ADGRV1: variants seen among roughly 807,000 people sequenced by gnomAD.
ADGRV1 encodes G-protein coupled receptor 98.
ADGRV1 carries 359 observed loss-of-function variants against 596.2 expected under a neutral mutation model. The ratio of observed to expected loss-of-function variants is 0.60; its 90% CI spans 0.55 to 0.66. The LOEUF is 0.66. ADGRV1 is among the 30% of genes least tolerant of loss of function. ADGRV1 has a pLI of 0.00. For synonymous variants in ADGRV1, 2,681 were observed against 2,679.2 expected, an observed-to-expected ratio of 1.00 and a Z score of -0.02; for missense variants, 7,274 against 7,575.6, an observed-to-expected ratio of 0.96 and a Z score of 1.48.
chr5:90,897,544 G>A (rs1242736624), intron 83 of ADGRV1, among the ~76,000 whole-genome samples: 1 of 139,090 alleles, frequency 7.2e-6, no homozygotes, highest in Non-Finnish European at 1.5e-5. Flanking sequence ...CAACAAATAC[G>A]AATATCATTG....
intron 20 of ADGRV1, chr5:90,655,895 A>G (rs1769334809): frequency 6.6e-6 from 1 of 152,230 alleles, no homozygotes; most frequent in African/African-American, 2.4e-5. Flanking sequence ...GATAGCCACT[A>G]TAAACATTAA....
chr5:91,072,908 T>C (rs1788514882), intron 86 of ADGRV1, among the ~76,000 whole-genome samples: 1 of 152,208 alleles, frequency 6.6e-6, no homozygotes, highest in African/African-American at 2.4e-5. Flanking sequence ...CAATAATAAC[T>C]TGTGTTCTAC....
chr5:90,631,889 A>T (rs1045676871), intron 9 of ADGRV1, among the ~76,000 whole-genome samples: 6 of 152,244 alleles, frequency 3.9e-5, no homozygotes, highest in Non-Finnish European at 5.9e-5. Context: ...CTCTGACTTT[A>T]TACAAAAACA....
chr5:91,105,260 C>T (rs1791754551), intron 87 of ADGRV1, among the ~76,000 whole-genome samples: 2 of 152,132 alleles, frequency 1.3e-5, no homozygotes, highest in South Asian at 4.1e-4. Context: ...TAGGTTGATT[C>T]CACATCTTGG....
intron 86 of ADGRV1, among the ~76,000 whole-genome samples, chr5:91,084,761 T>A (rs956027475): frequency 1.3e-5 from 2 of 152,210 alleles, no homozygotes; most frequent in African/African-American, 4.8e-5. Flanking sequence ...ATCATGCTAC[T>A]ATGAAGACAC....
rs971167352 is a variant in ADGRV1 at position 90,728,463 on chromosome 5, G to A, written c.10162-206G>A. Among the ~76,000 whole-genome samples the A allele has an allele frequency of 3.3e-5, 5 of 152,104 alleles. No individual in the cohort carries two copies. In the South Asian group the frequency reaches 6.2e-4, roughly 19 times the overall value. On this transcript the variant is annotated intron_variant, in intron 48 of 89. Transcript: ENST00000405460. ...TGTGTGTGTGTATGTGTACTTATGT[G>A]CATAGACATATATGTGCACACTCAC...
At chr5:91,138,847 C>T (rs989480185) in intron 87 of ADGRV1, among the ~76,000 whole-genome samples, 6 of 151,564 alleles carry the variant, frequency 4.0e-5, no homozygotes, top group African/African-American at 1.5e-4. Context: ...TCTCGGCTCA[C>T]TGCAACCTCC....
intron 21 of ADGRV1, among the ~76,000 whole-genome samples, chr5:90,668,783 T>G (rs553164051): frequency 9.2e-5 from 14 of 152,348 alleles, no homozygotes; most frequent in Non-Finnish European, 1.9e-4. Context: ...TAGATATGAA[T>G]AGTGATTTTT....
chr5:91,016,157 T>C (rs1329497816), intron 85 of ADGRV1, among the ~76,000 whole-genome samples: 1 of 152,006 alleles, frequency 6.6e-6, no homozygotes, highest in Non-Finnish European at 1.5e-5. Flanking sequence ...TAGTTGAAGA[T>C]TTTTATATTT....
intron 21 of ADGRV1, among the ~76,000 whole-genome samples, chr5:90,658,702 G>C (rs1232228064): frequency 6.9e-6 from 1 of 145,424 alleles, no homozygotes; most frequent in Non-Finnish European, 1.5e-5. Flanking sequence ...CATGTGAAAC[G>C]TACTTGAGTA....
At chr5:90,985,749 G>A (rs571880432) in intron 85 of ADGRV1, among the ~76,000 whole-genome samples, 1 of 152,142 alleles carries the variant, frequency 6.6e-6, no homozygotes, top group South Asian at 2.1e-4. Flanking sequence ...AACAGTTCAT[G>A]GTAATTTGTA....
chr5:90,627,999 T>G, intron 7 of ADGRV1: 1 of 345,700 alleles, frequency 2.9e-6, no homozygotes, highest in Non-Finnish European at 5.2e-6. Flanking sequence ...CTTCACTGTT[T>G]TCTTTCTTAT....
At chr5:91,062,798 C>G (rs1787557059) in intron 85 of ADGRV1, among the ~76,000 whole-genome samples, 1 of 152,080 alleles carries the variant, frequency 6.6e-6, no homozygotes, top group Admixed American at 6.6e-5. Flanking sequence ...GTTCTTCAGG[C>G]TGTTGTGACC....
rs34756274 is a variant in ADGRV1 at position 90,689,332 on chromosome 5, CTTTTTTTTTT to C, written c.6491-515_6491-506del. 2.8e-4 allele frequency among the ~76,000 whole-genome samples: 29 copies of C among 104,436 alleles called. 2 individuals are homozygous for C. Among genetic ancestry groups the C allele is most frequent in the African/African-American group, 1.2e-3 (28 of 24,156 alleles). The allele number at this position is 104,436 out of a possible 152,430, so 68.5% of individuals were successfully genotyped here. A position where few individuals can be genotyped will look rare whatever the true frequency, so the allele number is the denominator to read the frequency against. ...AAGCACCCCTCCTTTCCCCACCCAC[CTTTTTTTTTT>C]TTTTTTTTTTTTTCTCTCCTGCCAT... is the stretch of plus-strand genomic sequence containing the variant. On this transcript the variant is annotated intron_variant, in intron 29 of 89. Transcript: ENST00000405460.
At position 90,716,509 on chromosome 5, in the gene ADGRV1, T is replaced by C; in HGVS notation, c.9227T>C (p.Leu3076Pro). The change falls in exon 43 of 90, where the codon CTA (leucine) becomes CCA (proline). Residue 3076 changes from leucine (L) to proline (P), a missense_variant. This residue lies in a region of ADGRV1 where 3,643 missense variants were observed against 3,809.2 expected (regional missense o/e 0.96). Transcript: ENST00000405460. ...VLANDDGPGV[L>P]SFNNSEHFFL... ...GCTAATGATGACGGCCCTGGAGTTCTATCATTTAACAACAGTGAGCACTTT... is the reference window on the plus strand; with the variant it reads ...GCTAATGATGACGGCCCTGGAGTTCCATCATTTAACAACAGTGAGCACTTT... The C allele has an allele frequency of 6.2e-7, 1 of 1,608,870 alleles. No individual in the cohort carries two copies. The highest frequency in any genetic ancestry group is 8.5e-7 in the Non-Finnish European group (1 of 1,176,776).
intron 83 of ADGRV1, among the ~76,000 whole-genome samples, chr5:90,964,493 C>T (rs1778284258): frequency 7.0e-6 from 1 of 142,530 alleles, no homozygotes; most frequent in African/African-American, 2.6e-5. Context: ...TTTCCCCCTG[C>T]CATCTACACT....
chr5:90,915,652 T>A (rs960388510), intron 83 of ADGRV1, among the ~76,000 whole-genome samples: 4 of 152,190 alleles, frequency 2.6e-5, no homozygotes, highest in Non-Finnish European at 5.9e-5. Context: ...GCCACTGTGA[T>A]CAATGCATGC....
chr5:90,908,285 C>T (rs1374439176), intron 83 of ADGRV1, among the ~76,000 whole-genome samples: 1 of 152,010 alleles, frequency 6.6e-6, no homozygotes, highest in Non-Finnish European at 1.5e-5. Context: ...GTTACATGAA[C>T]TATTTGACAT....
intron 67 of ADGRV1, among the ~76,000 whole-genome samples, chr5:90,785,344 G>T (rs564909692): frequency 6.6e-6 from 1 of 152,110 alleles, no homozygotes; most frequent in African/African-American, 2.4e-5. Flanking sequence ...CATAGGCGTG[G>T]GCAAGGACTT....
Sources: gnomAD v4.1 joint callset for allele counts (sites outside exome capture counted in the v4.1 genomes callset) on GRCh38, gnomAD v4.1.1 for gene constraint, gnomAD v4.1.1 regional missense constraint, MANE v1.5 for transcripts, NCBI Gene and HGNC (gene_info 2026-07-23, HGNC 2026-07-21) for gene names.